The following KIAA0319L variants were observed in gnomAD, a reference collection of about 807,000 sequenced individuals.
KIAA0319L encodes KIAA0319 like.
In KIAA0319L, 55 loss-of-function variants were observed where a neutral mutation model predicts 120.1. The observed-to-expected ratio is 0.46, with a 90% CI of 0.37 to 0.57. KIAA0319L has a LOEUF of 0.57. Among genes scored for constraint, KIAA0319L ranks in the 20% least tolerant of loss-of-function variants. The pLI is 0.00. For synonymous variants in KIAA0319L, 398 were observed against 471.9 expected (o/e 0.84, Z 2.03); for missense variants, 1,049 against 1,255.3 (o/e 0.84, Z 2.48).
intron 13 of KIAA0319L, among the ~76,000 whole-genome samples, chr1:35,451,010 T>TA (rs1168765279): frequency 6.6e-6 from 1 of 152,256 alleles, no homozygotes; most frequent in African/African-American, 2.4e-5. Flanking sequence ...AAGCTCTGTA[T>TA]ATTCAGATGT....
chr1:35,444,813 T>C (rs1641495514), intron 16 of KIAA0319L, among the ~76,000 whole-genome samples: 1 of 152,186 alleles, frequency 6.6e-6, no homozygotes. Context: ...CATCACAACA[T>C]AGCCAAAACA....
In KIAA0319L at chr1:35,469,391, C is replaced by T. The variant is rs561895786; in HGVS notation, c.1113+1472G>A. On this transcript the variant is annotated intron_variant, in intron 6 of 20. Coordinates refer to ENST00000325722, the MANE Select transcript of KIAA0319L (RefSeq NM_024874.5). ...CAGGTGATTTTTCTAATCTGAAGAT[C>T]TAAACATGTGTTTCTCTTGCTTAAA... 2.0e-5 allele frequency among the ~76,000 whole-genome samples: 3 copies of T among 152,326 alleles called. No individual in the cohort carries two copies. The East Asian group carries it at 5.8e-4, about 29-fold the overall frequency.
At chr1:35,501,760 C>T (rs1199180839) in intron 3 of KIAA0319L, among the ~76,000 whole-genome samples, 1 of 152,028 alleles carries the variant, frequency 6.6e-6, no homozygotes, top group Non-Finnish European at 1.5e-5. Context: ...TGCCTGTAGT[C>T]CCAGCTACTC....
At chr1:35,462,889 G>C (rs1642995425) in intron 7 of KIAA0319L, among the ~76,000 whole-genome samples, 176 bp from the exon 8 acceptor site, 1 of 152,130 alleles carries the variant, frequency 6.6e-6, no homozygotes, top group Non-Finnish European at 1.5e-5. Context: ...GTGGGGGTTG[G>C]GGGCTGGGGT....
At chr1:35,552,727 G>A (rs1647339037) in intron 2 of KIAA0319L, among the ~76,000 whole-genome samples, 1 of 151,980 alleles carries the variant, frequency 6.6e-6, no homozygotes, top group Admixed American at 6.6e-5. Context: ...CCAGGAGTTC[G>A]AGACCAACCT....
intron 2 of KIAA0319L, among the ~76,000 whole-genome samples, chr1:35,546,200 C>T (rs912706134): frequency 6.6e-6 from 1 of 151,942 alleles, no homozygotes; most frequent in Admixed American, 6.6e-5. Flanking sequence ...GAAACAGAAC[C>T]CTGACAAACA....
intron 13 of KIAA0319L, 37 bp from the exon 14 acceptor site, chr1:35,450,546 C>A: frequency 6.4e-7 from 1 of 1,567,148 alleles, no homozygotes; most frequent in South Asian, 1.1e-5. Flanking sequence ...ATGTGACATT[C>A]TGGAAAAGAA....
chr1:35,548,284 T>C (rs1325282910), intron 2 of KIAA0319L, among the ~76,000 whole-genome samples: 1 of 152,116 alleles, frequency 6.6e-6, no homozygotes, highest in Non-Finnish European at 1.5e-5. Context: ...ATTAACATGC[T>C]AATGGATACC....
At position 35,506,626 on chromosome 1, in the gene KIAA0319L, T is replaced by C; in HGVS notation, c.652A>G (p.Ser218Gly). 6 of 1,613,138 alleles carry C rather than the reference T, an allele frequency of 3.7e-6. No homozygotes were observed. Among genetic ancestry groups the C allele is most frequent in the Non-Finnish European group, 5.1e-6 (6 of 1,179,390 alleles). ...DSNELGGLTT[S>G]GSAEVHKAIT... ...AGCATGCTTACCTCTGCAGAGCCAC[T>C]GGTAGTCAGACCACCTAATTCGTTG... Residue 218 changes from serine to glycine, a missense_variant, in exon 3 of 21, where the codon AGT becomes GGT. Physicochemically the swap from Ser to Gly is moderately conservative, Grantham distance 56. Coordinates refer to ENST00000325722, the MANE Select transcript of KIAA0319L (RefSeq NM_024874.5). The surrounding 1 kb of genome is among the most constrained non-coding windows in gnomAD (Gnocchi z 4.0).
At chr1:35,484,806 A>ATATAT (rs1381080295) in intron 3 of KIAA0319L, among the ~76,000 whole-genome samples, 16 of 86,232 alleles carry the variant, frequency 1.9e-4, no homozygotes, top group African/African-American at 3.6e-4. Context: ...ATATATATAT[A>ATATAT]TTTTTTTTTT....
In KIAA0319L at chr1:35,506,543, T is replaced by C. The variant is rs1570875091; in HGVS notation, c.666+69A>G. 10 of 1,432,384 alleles carry C rather than the reference T, an allele frequency of 7.0e-6. No individual in the cohort carries two copies. In the Admixed American group the frequency reaches 1.4e-4, roughly 20 times the overall value. 88.7% of individuals were successfully genotyped at this position (1,432,384 alleles called of 1,614,324 possible). On this transcript the variant is annotated intron_variant, in intron 3 of 20. Transcript: ENST00000325722. This position sits in a 1 kb window ranked among gnomAD's most constrained non-coding sequence, Gnocchi z 4.0. ...GCACTGCCCGCAAGCATCAGCTTCA[T>C]TGCTCATATATACCAAATGTAAGAG... is the stretch of plus-strand genomic sequence containing the variant.
At chr1:35,477,038 G>GGCC (rs1643917738) in intron 4 of KIAA0319L, among the ~76,000 whole-genome samples, 1 of 152,030 alleles carries the variant, frequency 6.6e-6, no homozygotes, top group African/African-American at 2.4e-5. Context: ...AAATTCTTGA[G>GGCC]TAATACCCCA....
At chr1:35,529,462 G>T (rs953576013) in intron 2 of KIAA0319L, among the ~76,000 whole-genome samples, 1 of 152,132 alleles carries the variant, frequency 6.6e-6, no homozygotes, top group Non-Finnish European at 1.5e-5. Context: ...TCCGAATGTA[G>T]GACTCCCTTA....
chr1:35,525,376 T>C (rs1646085084), intron 2 of KIAA0319L, among the ~76,000 whole-genome samples: 1 of 152,232 alleles, frequency 6.6e-6, no homozygotes, highest in Admixed American at 6.5e-5. Flanking sequence ...GTAGTGGGAC[T>C]GCTGGATCAT....
At chr1:35,472,148 A>G (rs1396597735) in intron 5 of KIAA0319L, among the ~76,000 whole-genome samples, 2 of 152,238 alleles carry the variant, frequency 1.3e-5, no homozygotes, top group Non-Finnish European at 2.9e-5. Context: ...ATTTCAAAAC[A>G]GGACAATATT....
rs903370744 is a variant in KIAA0319L at position 35,451,859 on chromosome 1, C to T, written c.1914-83G>A. The stretch of plus-strand genomic sequence containing the variant: ...AACTTAGCAGGAGGAGACAATGACT[C>T]CCTCAGCAAAGACACGAACTACTGT... On this transcript the variant is annotated intron_variant, in intron 12 of 20. Coordinates refer to ENST00000325722, the MANE Select transcript of KIAA0319L (RefSeq NM_024874.5). 7 of 1,420,994 alleles carry T rather than the reference C, an allele frequency of 4.9e-6. No individual in the cohort carries two copies. In the African/African-American group the frequency reaches 8.6e-5, roughly 17 times the overall value. 88.0% of individuals were successfully genotyped at this position (1,420,994 alleles called of 1,614,324 possible). A position where few individuals can be genotyped will look rare whatever the true frequency, so the allele number is the denominator to read the frequency against.
chr1:35,466,592 A>G lies in KIAA0319L; in HGVS notation c.1201+16T>C. 2 of 1,584,030 alleles carry G rather than the reference A, an allele frequency of 1.3e-6. No homozygotes were observed. The highest frequency in any genetic ancestry group is 1.7e-6 in the Non-Finnish European group (2 of 1,152,938). On this transcript the variant is annotated intron_variant, in intron 7 of 20. Transcript: ENST00000325722. ...CAGAGGGAGGAAGGGAGACACAGCC[A>G]GGGCTGAAAACATACCTGGCTTGAC... is the stretch of plus-strand genomic sequence containing the variant.
intron 2 of KIAA0319L, chr1:35,533,245 A>G (rs1646441037): frequency 6.6e-6 from 1 of 152,248 alleles, no homozygotes; most frequent in Non-Finnish European, 1.5e-5. Context: ...AGTAGGGAGC[A>G]GAGACAGAAC....
At chr1:35,486,175 G>T (rs895008008) in intron 3 of KIAA0319L, among the ~76,000 whole-genome samples, 1 of 152,014 alleles carries the variant, frequency 6.6e-6, no homozygotes, top group South Asian at 2.1e-4. Flanking sequence ...CTGAGCCCAC[G>T]AGTTTTTCAA....
Sources: gnomAD v4.1 joint callset for allele counts (sites outside exome capture counted in the v4.1 genomes callset) on GRCh38, gnomAD v4.1.1 for gene constraint, Gnocchi (gnomAD v3.1) non-coding constraint, MANE v1.5 for transcripts, NCBI Gene and HGNC (gene_info 2026-07-23, HGNC 2026-07-21) for gene names.